The following CMSS1 variants were observed in gnomAD, a reference collection of about 807,000 sequenced individuals.
The protein encoded by CMSS1 is protein CMSS1.
A neutral mutation model predicts 43.5 loss-of-function variants in CMSS1; 33 were observed. The ratio of observed to expected loss-of-function variants is 0.76; its 90% CI spans 0.57 to 1.01. The LOEUF (loss-of-function observed/expected upper bound fraction) is 1.01. Among genes scored for constraint, CMSS1 ranks in the 50% least tolerant of loss-of-function variants. The pLI is 0.00. For synonymous variants in CMSS1, 115 were observed against 117.2 expected (o/e 0.98, Z 0.12); for missense variants, 313 against 326.4 (o/e 0.96, Z 0.32).
At chr3:100,057,836 C>G (rs904335569) in intron 1 of CMSS1, among the ~76,000 whole-genome samples, 3 of 152,188 alleles carry the variant, frequency 2.0e-5, no homozygotes, top group Non-Finnish European at 4.4e-5. Flanking sequence ...CTGCCCTCAT[C>G]CTTGTTTAGA....
At chr3:100,018,464 G>A (rs1710408680) in intron 1 of CMSS1, among the ~76,000 whole-genome samples, 1 of 152,122 alleles carries the variant, frequency 6.6e-6, no homozygotes, top group Non-Finnish European at 1.5e-5. Context: ...GTCAGATGAG[G>A]CTCATTTGTG....
intron 1 of CMSS1, among the ~76,000 whole-genome samples, chr3:99,842,589 C>A (rs945359391): frequency 6.6e-6 from 1 of 151,172 alleles, no homozygotes; most frequent in Admixed American, 6.6e-5. Flanking sequence ...GAAGAACTCA[C>A]TAAAATAAGA....
chr3:99,933,058 T>A (rs919624848), intron 1 of CMSS1, among the ~76,000 whole-genome samples: 3 of 152,110 alleles, frequency 2.0e-5, no homozygotes, highest in African/African-American at 7.2e-5. Context: ...CATTTTACAG[T>A]GAACAAATGG....
chr3:99,852,272 G>C (rs1174017405), intron 1 of CMSS1, among the ~76,000 whole-genome samples: 21 of 152,144 alleles, frequency 1.4e-4, no homozygotes. Flanking sequence ...CAAAGGACTT[G>C]TCATGGATGA....
intron 1 of CMSS1, among the ~76,000 whole-genome samples, chr3:99,903,149 G>A (rs1277245837): frequency 1.3e-5 from 2 of 152,074 alleles, no homozygotes; most frequent in Non-Finnish European, 2.9e-5. Flanking sequence ...CTCTCTCATA[G>A]GGTTGTTATG....
At chr3:99,866,002 C>T (rs1432920110) in intron 1 of CMSS1, among the ~76,000 whole-genome samples, 1 of 151,952 alleles carries the variant, frequency 6.6e-6, no homozygotes, top group Non-Finnish European at 1.5e-5. Context: ...TTAGATATTG[C>T]ACGTGGGCAT....
chr3:99,879,836 G>A (rs1216523003), intron 1 of CMSS1, among the ~76,000 whole-genome samples: 1 of 152,114 alleles, frequency 6.6e-6, no homozygotes, highest in African/African-American at 2.4e-5. Flanking sequence ...TATGGACCTG[G>A]TCCTGTATAA....
chr3:99,818,158 T>G (rs1179464447), intron 1 of CMSS1, 115 bp downstream of exon 1: 1 of 910,584 alleles, frequency 1.1e-6, no homozygotes, highest in African/African-American at 1.7e-5. Flanking sequence ...GTGCACCGCC[T>G]TGGGAGCGCG....
chr3:99,922,379 T>C (rs1707152161), intron 1 of CMSS1, among the ~76,000 whole-genome samples: 1 of 152,208 alleles, frequency 6.6e-6, no homozygotes, highest in Non-Finnish European at 1.5e-5. Context: ...TCCTTTAATC[T>C]GTCCCTGTAG....
chr3:99,948,284 G>T (rs116760793), intron 1 of CMSS1, among the ~76,000 whole-genome samples: 7 of 151,872 alleles, frequency 4.6e-5, no homozygotes, highest in Non-Finnish European at 1.0e-4. Context: ...CTTGAGCCCC[G>T]GAGTTTGAGA....
At chr3:99,904,022 C>T (rs562577300) in intron 1 of CMSS1, among the ~76,000 whole-genome samples, 1 of 152,304 alleles carries the variant, frequency 6.6e-6, no homozygotes, top group African/African-American at 2.4e-5. Flanking sequence ...TTGAGATATG[C>T]ATCTTGTTTT....
intron 1 of CMSS1, among the ~76,000 whole-genome samples, chr3:99,831,059 G>T (rs916849784): frequency 3.9e-5 from 6 of 152,168 alleles, no homozygotes; most frequent in African/African-American, 9.7e-5. Context: ...ATGATTAGTG[G>T]AACAGCTTGG....
At chr3:99,858,634 C>T (rs1944092151) in intron 1 of CMSS1, among the ~76,000 whole-genome samples, 1 of 152,192 alleles carries the variant, frequency 6.6e-6, no homozygotes. Flanking sequence ...TTGAAGACAG[C>T]TGTATCCTCA....
chr3:100,089,977 C>T (rs1576044268), intron 1 of CMSS1, among the ~76,000 whole-genome samples: 1 of 152,198 alleles, frequency 6.6e-6, no homozygotes, highest in African/African-American at 2.4e-5. Context: ...AAATAGTACA[C>T]TCATCTTCCC....
At chr3:99,984,064 G>GTGTGTGTGTGTGTGTGTT (rs1485556007) in intron 1 of CMSS1, among the ~76,000 whole-genome samples, 2 of 152,172 alleles carry the variant, frequency 1.3e-5, no homozygotes, top group East Asian at 3.9e-4. Flanking sequence ...GTGTGTTTGT[G>GTGTGTGTGTGTGTGTGTT]TGTGTGTGTG....
chr3:100,083,939 TA>T (rs946656108), intron 1 of CMSS1, among the ~76,000 whole-genome samples: 1 of 152,200 alleles, frequency 6.6e-6, no homozygotes, highest in African/African-American at 2.4e-5. Context: ...TGAGCATAAT[TA>T]TCAAAATAAA....
At chr3:99,957,786 G>A (rs1477568726) in intron 1 of CMSS1, among the ~76,000 whole-genome samples, 2 of 139,236 alleles carry the variant, frequency 1.4e-5, no homozygotes, top group Non-Finnish European at 3.0e-5. Flanking sequence ...ATATAAAGCA[G>A]CACATCACAA....
At chr3:100,047,332 T>C (rs1269861443) in intron 1 of CMSS1, among the ~76,000 whole-genome samples, 3 of 152,252 alleles carry the variant, frequency 2.0e-5, no homozygotes, top group Non-Finnish European at 4.4e-5. Flanking sequence ...GCATATTTAT[T>C]GATGCTATTA....
intron 1 of CMSS1, among the ~76,000 whole-genome samples, chr3:99,896,740 G>C (rs1301410184): frequency 6.6e-6 from 1 of 152,190 alleles, no homozygotes. Flanking sequence ...GTTCAGTAGA[G>C]TTTTGAGATT....
Sources: allele counts gnomAD v4.1 joint callset (sites outside exome capture counted in the v4.1 genomes callset), GRCh38; gene constraint gnomAD v4.1.1; transcripts MANE v1.5; gene names NCBI Gene and HGNC (gene_info 2026-07-23, HGNC 2026-07-21).